TSPYL1: variants seen among roughly 807,000 people sequenced by gnomAD.
The protein encoded by TSPYL1 is TSPY like 1.
TSPYL1 carries 16 observed loss-of-function variants against 20.1 expected under a neutral mutation model. The ratio of observed to expected loss-of-function variants is 0.80; its 90% CI spans 0.54 to 1.21. The LOEUF is 1.21. Among genes scored for constraint, TSPYL1 ranks in the 50% most tolerant of loss-of-function variants. TSPYL1 has a pLI of 0.00. For missense variants in TSPYL1, 560 were observed against 569.3 expected (o/e 0.98, Z 0.17); for synonymous variants, 259 against 227.1 (o/e 1.14, Z -1.26).
Position 116,278,803 on chromosome 6 carries a change from C to A in TSPYL1, c.1028G>T (p.Arg343Ile). Residue 343 changes from arginine (R) to isoleucine (I), a missense_variant, in exon 1 of 1, where the codon AGA (arginine) becomes ATA (isoleucine). Transcript: ENST00000368608. ...NKLIVKEYEV[R>I]SSGRVVSLST... is the part of the protein sequence containing the mutation. ...AAGAGACACCACTCGGCCGGAGGAT[C>A]TTACCTCATATTCCTTGACAATCAG... 6.2e-7 allele frequency: 1 copy of A among 1,614,154 alleles called. No individual in the cohort carries two copies. The highest frequency in any genetic ancestry group is 8.5e-7 in the Non-Finnish European group (1 of 1,180,026).
rs1022676196 is a variant in TSPYL1 at position 116,278,428 on chromosome 6, T to C, written c.*89A>G. On this transcript the variant is annotated 3_prime_UTR_variant, in exon 1 of 1. Coordinates refer to ENST00000368608, the MANE Select transcript of TSPYL1 (RefSeq NM_003309.4). ...AAAAGTCAGCAAAAACAAAGCACAA[T>C]AGAAGGCATACTCATTGCTGATGCC... is the stretch of plus-strand genomic sequence containing the variant. 11 of 1,569,416 alleles carry C rather than the reference T, an allele frequency of 7.0e-6. No individual in the cohort carries two copies. Among genetic ancestry groups the C allele is most frequent in the Non-Finnish European group, 7.0e-6 (8 of 1,142,772 alleles).
rs373767762 is a variant in TSPYL1, at chr6:116,279,781, C to T, written c.50G>A (p.Ser17Asn). The T allele has an allele frequency of 3.7e-6, 6 of 1,612,664 alleles. No homozygotes were observed. The highest frequency in any genetic ancestry group is 4.2e-6 in the Non-Finnish European group (5 of 1,180,036). ...CGGGACTTGGTCAGAAATAATGATGCTGTGGGTTTGGAGGGGAGTGGTCCT... is the reference window on the plus strand; with the variant it reads ...CGGGACTTGGTCAGAAATAATGATGTTGTGGGTTTGGAGGGGAGTGGTCCT... ...VKRTTPLQTH[S>N]IIISDQVPSD... Residue 17 changes from serine to asparagine, a missense_variant, in exon 1 of 1, where the codon AGC (serine) becomes AAC (asparagine). By Grantham distance (46) the Ser-to-Asn change is conservative. Coordinates refer to ENST00000368608, the MANE Select transcript of TSPYL1 (RefSeq NM_003309.4).
rs748503331 is a variant in TSPYL1 at position 116,279,435 on chromosome 6, T to C, written c.396A>G (p.Leu132=). 1.6e-5 allele frequency: 26 copies of C among 1,613,398 alleles called. No homozygotes were observed. The Admixed American group carries it at 4.0e-4, about 25-fold the overall frequency. The change falls in exon 1 of 1, where the codon CTA becomes CTG. Residue 132 remains leucine, a synonymous_variant. Transcript: ENST00000368608. ...KKGVQGGEKA[L]EICGAQRSAS... ...CGGATCTCTGGGCGCCACAGATTTC[T>C]AGGGCCTTCTCTCCACCCTGAACGC...
At position 116,277,538 on chromosome 6, in the gene TSPYL1, G is replaced by GT. The variant is rs758708781; in HGVS notation, c.*978dup. 1.3e-5 allele frequency: 2 copies of GT among 152,346 alleles called. No individual in the cohort carries two copies. The highest frequency in any genetic ancestry group is 4.1e-4 in the South Asian group (2 of 4,830). The allele number at this position is 152,346 out of a possible 1,614,324, so 9.4% of individuals were successfully genotyped here. On this transcript the variant is annotated 3_prime_UTR_variant, in exon 1 of 1. Coordinates refer to ENST00000368608, the MANE Select transcript of TSPYL1 (RefSeq NM_003309.4). The stretch of plus-strand genomic sequence containing the variant: ...GGAAGTTGGGAAGAAGGGGAGGGGC[G>GT]TAAGAGCTCTAGCACTCTATTTTAC...
rs909662568 is a variant in TSPYL1, at chr6:116,277,456, C to T, written c.*1061G>A. 2.6e-5 allele frequency: 4 copies of T among 152,532 alleles called. No individual in the cohort carries two copies. The highest frequency in any genetic ancestry group is 9.7e-5 in the African/African-American group (4 of 41,444). 9.4% of individuals were successfully genotyped at this position (152,532 alleles called of 1,614,324 possible). A position where few individuals can be genotyped will look rare whatever the true frequency, so the allele number is the denominator to read the frequency against. On this transcript the variant is annotated 3_prime_UTR_variant, in exon 1 of 1. Transcript: ENST00000368608. ...CTCCTGCTTAGGGCACCTTTCATCC[C>T]ATCTAGATGTGTCTCTCTTTAACTA... is the stretch of plus-strand genomic sequence containing the variant.
chr6:116,279,822 G>T lies in TSPYL1; in HGVS notation c.9C>A (p.Gly3=), dbSNP rs879016495. The T allele has an allele frequency of 6.2e-7, 1 of 1,613,018 alleles. No homozygotes were observed. Among genetic ancestry groups the T allele is most frequent in the Non-Finnish European group, 8.5e-7 (1 of 1,180,028 alleles). Residue 3 remains glycine, a synonymous_variant, in exon 1 of 1, where the codon GGC becomes GGA. Coordinates refer to ENST00000368608, the MANE Select transcript of TSPYL1 (RefSeq NM_003309.4). MS[G]LDGVKRTTPL... is the part of the protein sequence containing the mutation. Reference sequence around the variant, plus strand: ...GAGTGGTCCTCTTGACCCCATCCAGGCCGCTCATGTTGCTAACAGTCGGAC... The same window carrying T: ...GAGTGGTCCTCTTGACCCCATCCAGTCCGCTCATGTTGCTAACAGTCGGAC...
At position 116,279,676 on chromosome 6, in the gene TSPYL1, C is replaced by G; in HGVS notation, c.155G>C (p.Gly52Ala). ...CGGGAGCGCGACGGTCTCCGAGCCTCCCTCACCCGGCTCCGCCATCACCTG... is the reference window on the plus strand; with the variant it reads ...CGGGAGCGCGACGGTCTCCGAGCCTGCCTCACCCGGCTCCGCCATCACCTG... ...ATQVMAEPGEGGSETVALPPP... is the reference protein window; with the variant it reads ...ATQVMAEPGEAGSETVALPPP... Residue 52 changes from glycine (G) to alanine (A), a missense_variant, in exon 1 of 1, where the codon GGA becomes GCA. Coordinates refer to ENST00000368608, the MANE Select transcript of TSPYL1 (RefSeq NM_003309.4). 8 of 1,609,172 alleles carry G rather than the reference C, an allele frequency of 5.0e-6. No homozygotes were observed. The highest frequency in any genetic ancestry group is 5.9e-6 in the Non-Finnish European group (7 of 1,179,978).
In TSPYL1 at chr6:116,279,176, C is replaced by A. The variant is rs760151234; in HGVS notation, c.655G>T (p.Gly219Trp). 1.2e-6 allele frequency: 2 copies of A among 1,612,918 alleles called. No individual in the cohort carries two copies. The highest frequency in any genetic ancestry group is 8.5e-7 in the Non-Finnish European group (1 of 1,179,854). ...RLEEEAREEE[G>W]PWPLHEALRM... Reference sequence around the variant, plus strand: ...AGAGCCTCATGCAAAGGCCAGGGCCCTTCTTCCTCCCTCGCCTCCTCCTCC... The same window carrying A: ...AGAGCCTCATGCAAAGGCCAGGGCCATTCTTCCTCCCTCGCCTCCTCCTCC... Residue 219 changes from glycine to tryptophan, a missense_variant, in exon 1 of 1, where the codon GGG (glycine) becomes TGG (tryptophan). Gly to Trp is a radical substitution (Grantham distance 184). Transcript: ENST00000368608.
In TSPYL1 at chr6:116,277,908, C is replaced by CAAAAAAAAA. The variant is rs57691187; in HGVS notation, c.*600_*608dup. 3.5e-5 allele frequency: 2 copies of CAAAAAAAAA among 57,334 alleles called. No homozygotes were observed. The highest frequency in any genetic ancestry group is 2.0e-4 in the Admixed American group (1 of 5,116). The allele number at this position is 57,334 out of a possible 1,614,324, so 3.6% of individuals were successfully genotyped here. ...CAGAGCAAGACTCCGTCCTCCGTCT[C>CAAAAAAAAA]AAAAAAAAAAAAAAAAAAAAAAAAA... is the stretch of plus-strand genomic sequence containing the variant. On this transcript the variant is annotated 3_prime_UTR_variant, in exon 1 of 1. Transcript: ENST00000368608.
Position 116,278,621 on chromosome 6 carries a change from G to C in TSPYL1, c.1210C>G (p.Pro404Ala). The change falls in exon 1 of 1, where the codon CCA becomes GCA. Residue 404 changes from proline (P) to alanine (A), a missense_variant. By Grantham distance (27) the Pro-to-Ala change is conservative (BLOSUM62 -1). Coordinates refer to ENST00000368608, the MANE Select transcript of TSPYL1 (RefSeq NM_003309.4). ...EIIKEDLWPN[P>A]LQYYLLREGV... Reference sequence around the variant, plus strand: ...TCACGCAACAGGTAGTATTGCAGTGGATTTGGCCACAGATCCTCTTTAATA... The same window carrying C: ...TCACGCAACAGGTAGTATTGCAGTGCATTTGGCCACAGATCCTCTTTAATA... 1.2e-6 allele frequency: 2 copies of C among 1,614,184 alleles called. No individual in the cohort carries two copies. Among genetic ancestry groups the C allele is most frequent in the Non-Finnish European group, 1.7e-6 (2 of 1,180,038 alleles).
At position 116,276,651 on chromosome 6, in the gene TSPYL1, T is replaced by G. The variant is rs1473525760; in HGVS notation, c.*1866A>C. ...TTAATGGATTAAAGGACTTTAATGATTCCATAATTTTTAATTAATATGAAC... is the reference window on the plus strand; with the variant it reads ...TTAATGGATTAAAGGACTTTAATGAGTCCATAATTTTTAATTAATATGAAC... On this transcript the variant is annotated 3_prime_UTR_variant, in exon 1 of 1. Transcript: ENST00000368608. 1.3e-5 allele frequency: 2 copies of G among 152,190 alleles called. No homozygotes were observed. The highest frequency in any genetic ancestry group is 2.9e-5 in the Non-Finnish European group (2 of 68,034). The allele number at this position is 152,190 out of a possible 1,614,324, so 9.4% of individuals were successfully genotyped here. A position where few individuals can be genotyped will look rare whatever the true frequency, so the allele number is the denominator to read the frequency against.
Position 116,279,475 on chromosome 6 carries a change from C to A in TSPYL1, c.356G>T (p.Arg119Leu). The A allele has an allele frequency of 1.2e-6, 2 of 1,612,398 alleles. No homozygotes were observed. The highest frequency in any genetic ancestry group is 1.3e-5 in the African/African-American group (1 of 75,058). ...AAASVVMAAD[R>L]SLKKGVQGGE... ...ACCCTGAACGCCCTTTTTCAGGCTGCGGTCGGCTGCCATCACCACAGAAGC... is the reference window on the plus strand; with the variant it reads ...ACCCTGAACGCCCTTTTTCAGGCTGAGGTCGGCTGCCATCACCACAGAAGC... The change falls in exon 1 of 1, where the codon CGC becomes CTC. Residue 119 changes from arginine to leucine, a missense_variant. Physicochemically the swap from Arg to Leu is moderately radical, Grantham distance 102 (BLOSUM62 -2). Transcript: ENST00000368608.
Position 116,279,501 on chromosome 6 carries a change from G to A in TSPYL1, c.330C>T (p.Ala110=). The A allele has an allele frequency of 1.2e-6, 2 of 1,610,726 alleles. No homozygotes were observed. Among genetic ancestry groups the A allele is most frequent in the Non-Finnish European group, 1.7e-6 (2 of 1,180,018 alleles). ...EGQPPAEGLA[A]ASVVMAADRS... ...GGTCGGCTGCCATCACCACAGAAGC[G>A]GCTGCCAGGCCTTCGGCGGGAGGCT... The change falls in exon 1 of 1, where the codon GCC becomes GCT. Residue 110 remains alanine, a synonymous_variant. Transcript: ENST00000368608.
In TSPYL1 at chr6:116,279,575, C is replaced by G. The variant is rs149638466; in HGVS notation, c.256G>C (p.Val86Leu). The G allele has an allele frequency of 6.2e-7, 1 of 1,602,606 alleles. No individual in the cohort carries two copies. Among genetic ancestry groups the G allele is most frequent in the South Asian group, 1.1e-5 (1 of 91,064 alleles). ...ATCGCCACATGACCGCGACCCCCAA[C>G]AACTCGGATCTGGGGAGTACCGCCA... is the stretch of plus-strand genomic sequence containing the variant. ...GRGGTPQIRV[V>L]GGRGHVAIKA... is the part of the protein sequence containing the mutation. The change falls in exon 1 of 1, where the codon GTT becomes CTT. Residue 86 changes from valine to leucine, a missense_variant. Coordinates refer to ENST00000368608, the MANE Select transcript of TSPYL1 (RefSeq NM_003309.4).
Position 116,277,908 on chromosome 6 carries a change from CAAAAAAAAAAAAAAA to C in TSPYL1, c.*594_*608del, listed in dbSNP as rs57691187. On this transcript the variant is annotated 3_prime_UTR_variant, in exon 1 of 1. Coordinates refer to ENST00000368608, the MANE Select transcript of TSPYL1 (RefSeq NM_003309.4). ...CAGAGCAAGACTCCGTCCTCCGTCT[CAAAAAAAAAAAAAAA>C]AAAAAAAAAAAGGAAAACAGGGAGA... is the stretch of plus-strand genomic sequence containing the variant. 3.5e-5 allele frequency: 2 copies of C among 57,336 alleles called. No individual in the cohort carries two copies. Among genetic ancestry groups the C allele is most frequent in the African/African-American group, 5.6e-5 (1 of 17,736 alleles). 3.6% of individuals were successfully genotyped at this position (57,336 alleles called of 1,614,324 possible).
At position 116,276,068 on chromosome 6, in the gene TSPYL1, A is replaced by C. The variant is rs1369456107; in HGVS notation, c.*2449T>G. ...ATTCACTGTAATGAATAATTATGTT[A>C]ATTTTCTAGAACAGAGGTCCCTCCA... On this transcript the variant is annotated 3_prime_UTR_variant, in exon 1 of 1. Transcript: ENST00000368608. Among the ~76,000 whole-genome samples, 1 of 152,192 alleles carries C rather than the reference A, an allele frequency of 6.6e-6. No homozygotes were observed. The highest frequency in any genetic ancestry group is 2.4e-5 in the African/African-American group (1 of 41,446).
chr6:116,278,811 A>T lies in TSPYL1; in HGVS notation c.1020T>A (p.Tyr340Ter), dbSNP rs1295079026. 6.2e-7 allele frequency: 1 copy of T among 1,614,052 alleles called. No homozygotes were observed. Among genetic ancestry groups the T allele is most frequent in the Non-Finnish European group, 8.5e-7 (1 of 1,180,038 alleles). The part of the protein sequence containing the change: ...YFRNKLIVKE[Y>*]EVRSSGRVVS... ...CCACTCGGCCGGAGGATCTTACCTC[A>T]TATTCCTTGACAATCAGCTTGTTTC... The change falls in exon 1 of 1, where the codon TAT becomes TAA. Residue 340 changes from tyrosine to a stop codon, truncating the protein, a stop_gained. Transcript: ENST00000368608. LOFTEE classifies it high-confidence loss of function.
At position 116,278,426 on chromosome 6, in the gene TSPYL1, A is replaced by C. The variant is rs1338684000; in HGVS notation, c.*91T>G. 2.6e-6 allele frequency: 4 copies of C among 1,565,228 alleles called. No individual in the cohort carries two copies. Among genetic ancestry groups the C allele is most frequent in the Non-Finnish European group, 3.5e-6 (4 of 1,139,148 alleles). ...AGAAAAGTCAGCAAAAACAAAGCACAATAGAAGGCATACTCATTGCTGATG... is the reference window on the plus strand; with the variant it reads ...AGAAAAGTCAGCAAAAACAAAGCACCATAGAAGGCATACTCATTGCTGATG... On this transcript the variant is annotated 3_prime_UTR_variant, in exon 1 of 1. Coordinates refer to ENST00000368608, the MANE Select transcript of TSPYL1 (RefSeq NM_003309.4).
rs1423526871 is a variant in TSPYL1 at position 116,279,895 on chromosome 6, A to G, written c.-65T>C. Reference sequence around the variant, plus strand: ...TTCCTCAGAGGCCGAACTGGGAGCTAACCGCCGCTCGCACCGCCCACCCTA... The same window carrying G: ...TTCCTCAGAGGCCGAACTGGGAGCTGACCGCCGCTCGCACCGCCCACCCTA... On this transcript the variant is annotated 5_prime_UTR_variant, in exon 1 of 1. Transcript: ENST00000368608. The G allele has an allele frequency of 1.2e-6, 2 of 1,607,610 alleles. No homozygotes were observed. Among genetic ancestry groups the G allele is most frequent in the African/African-American group, 2.7e-5 (2 of 74,828 alleles).
Sources: allele counts gnomAD v4.1 joint callset (sites outside exome capture counted in the v4.1 genomes callset), GRCh38; gene constraint gnomAD v4.1.1; transcripts MANE v1.5; gene names NCBI Gene and HGNC (gene_info 2026-07-23, HGNC 2026-07-21).